COL19A1: variants seen among roughly 807,000 people sequenced by gnomAD.
COL19A1 encodes the protein collagen type XIX alpha 1 chain, also known as collagen alpha-1(XIX) chain.
In COL19A1, 159 loss-of-function variants were observed where a neutral mutation model predicts 190.2. The observed-to-expected ratio is 0.84, with a 90% CI of 0.73 to 0.95. The LOEUF (loss-of-function observed/expected upper bound fraction) is 0.95. Among genes scored for constraint, COL19A1 ranks in the 40% least tolerant of loss-of-function variants. COL19A1 has a pLI of 0.00. For synonymous variants in COL19A1, 509 were observed against 458.9 expected, an observed-to-expected ratio of 1.11 and a Z score of -1.39; for missense variants, 1,418 against 1,431.9, an observed-to-expected ratio of 0.99 and a Z score of 0.16.
rs773127949 is a variant in COL19A1 at position 70,102,150 on chromosome 6, A to C, written c.1225-19A>C. 6.2e-7 allele frequency: 1 copy of C among 1,604,782 alleles called. No individual in the cohort carries two copies. The highest frequency in any genetic ancestry group is 1.3e-5 in the African/African-American group (1 of 74,702). ...AATGGAGTCACAGTATTTATCATCT[A>C]TTCTTCTTTGGTTTCAAGGGAAGAC... On this transcript the variant is annotated intron_variant, in intron 15 of 50. Coordinates refer to ENST00000620364, the MANE Select transcript of COL19A1 (RefSeq NM_001858.6).
intron 15 of COL19A1, among the ~76,000 whole-genome samples, chr6:70,100,115 A>T (rs942669954): frequency 1.3e-5 from 2 of 152,184 alleles, no homozygotes; most frequent in African/African-American, 4.8e-5. Flanking sequence ...GACTCCTTTG[A>T]AGAAAGGGGA....
Position 70,207,714 on chromosome 6 carries a change from T to G in COL19A1, c.*440T>G, listed in dbSNP as rs1463256243. The G allele has an allele frequency of 6.6e-6, 1 of 152,520 alleles. No individual in the cohort carries two copies. Among genetic ancestry groups the G allele is most frequent in the Non-Finnish European group, 1.5e-5 (1 of 68,296 alleles). The allele number at this position is 152,520 out of a possible 1,614,324, so 9.4% of individuals were successfully genotyped here. On this transcript the variant is annotated 3_prime_UTR_variant, in exon 51 of 51. Coordinates refer to ENST00000620364, the MANE Select transcript of COL19A1 (RefSeq NM_001858.6). Reference sequence around the variant, plus strand: ...TTAAATTTACTATCATTGCTAAACATCTCGTCAACTTTTTTGATATAGTGC... The same window carrying G: ...TTAAATTTACTATCATTGCTAAACAGCTCGTCAACTTTTTTGATATAGTGC...
intron 4 of COL19A1, among the ~76,000 whole-genome samples, chr6:69,924,794 G>A (rs1772244565): frequency 6.6e-6 from 1 of 152,142 alleles, no homozygotes; most frequent in African/African-American, 2.4e-5. Context: ...GGTGTGAGAT[G>A]GTATCTCATT....
intron 49 of COL19A1, among the ~76,000 whole-genome samples, chr6:70,201,015 G>T (rs1045426360): frequency 6.6e-6 from 1 of 152,134 alleles, no homozygotes; most frequent in Non-Finnish European, 1.5e-5. Flanking sequence ...ATACACTATT[G>T]TGTAGAGGGG....
At chr6:69,938,222 G>A in intron 9 of COL19A1, 122 bp downstream of exon 9, 6 of 915,392 alleles carry the variant, frequency 6.6e-6, no homozygotes, top group Non-Finnish European at 9.8e-6. Flanking sequence ...GGCTATCAAA[G>A]ACTATATTAA....
At chr6:69,953,988 G>A (rs1184058347) in intron 9 of COL19A1, among the ~76,000 whole-genome samples, 1 of 151,892 alleles carries the variant, frequency 6.6e-6, no homozygotes, top group South Asian at 2.1e-4. Context: ...CCTTAAAGTG[G>A]CTCTATCTAA....
At chr6:69,879,317 A>G (rs534953732) in intron 1 of COL19A1, among the ~76,000 whole-genome samples, 3 of 152,308 alleles carry the variant, frequency 2.0e-5, no homozygotes, top group Non-Finnish European at 4.4e-5. Context: ...ATCAACATCA[A>G]TAACTAACTA....
At chr6:70,199,414 T>C (rs1295216854) in intron 48 of COL19A1, among the ~76,000 whole-genome samples, 194 bp from the exon 49 acceptor site, 3 of 152,220 alleles carry the variant, frequency 2.0e-5, no homozygotes, top group African/African-American at 7.2e-5. Flanking sequence ...CTGGTCTGCA[T>C]CTATACACAA....
chr6:69,866,726 C>T (rs888801146), intron 1 of COL19A1, 86 bp downstream of exon 1: 1 of 152,254 alleles, frequency 6.6e-6, no homozygotes, highest in Non-Finnish European at 1.5e-5. Flanking sequence ...TCCTAGTTAT[C>T]TGTGTGCATC....
intron 11 of COL19A1, among the ~76,000 whole-genome samples, chr6:70,003,645 T>G (rs1582659134): frequency 6.6e-6 from 1 of 152,170 alleles, no homozygotes; most frequent in South Asian, 2.1e-4. Flanking sequence ...TTGTCTTTTT[T>G]TTTTAATCGT....
chr6:69,995,043 C>T (rs1270915179), intron 11 of COL19A1, among the ~76,000 whole-genome samples: 1 of 152,158 alleles, frequency 6.6e-6, no homozygotes, highest in African/African-American at 2.4e-5. Context: ...CTCTCACATA[C>T]ACACTCTCTC....
chr6:70,021,595 T>G (rs758175543), intron 11 of COL19A1, among the ~76,000 whole-genome samples: 3 of 152,180 alleles, frequency 2.0e-5, no homozygotes, highest in Non-Finnish European at 4.4e-5. Flanking sequence ...AGATATTTTC[T>G]TCTGTGTATT....
At chr6:69,982,557 A>G (rs1197618469) in intron 11 of COL19A1, among the ~76,000 whole-genome samples, 2 of 151,826 alleles carry the variant, frequency 1.3e-5, no homozygotes, top group East Asian at 3.9e-4. Flanking sequence ...TAACAATACA[A>G]TATTGCCAAA....
chr6:70,110,795 G>A (rs1244858524), intron 16 of COL19A1, among the ~76,000 whole-genome samples: 1 of 152,092 alleles, frequency 6.6e-6, no homozygotes, highest in Non-Finnish European at 1.5e-5. Flanking sequence ...CATTATGGTG[G>A]AAAAAATATT....
chr6:70,150,458 G>A (rs1197177160), intron 30 of COL19A1, among the ~76,000 whole-genome samples: 1 of 152,124 alleles, frequency 6.6e-6, no homozygotes, highest in Non-Finnish European at 1.5e-5. Flanking sequence ...GCTTTAAAAT[G>A]TTGCGATGAT....
rs1554186344 is a variant in COL19A1, at chr6:69,996,938, G to GTGTGTGTGTATA, written c.1027-26688_1027-26687insGTGTGTGTATAT. ...GACTTGTGTGTGTGTGTGTGTGTGTGTATATATATGTATGTACATATATAG... is the reference window on the plus strand; with the variant it reads ...GACTTGTGTGTGTGTGTGTGTGTGTGTGTGTGTGTATATATATATATGTATGTACATATATAG... On this transcript the variant is annotated intron_variant, in intron 11 of 50. Transcript: ENST00000620364. Among the ~76,000 whole-genome samples the GTGTGTGTGTATA allele has an allele frequency of 7.0e-5, 10 of 143,430 alleles. No individual in the cohort carries two copies. In the East Asian group the frequency reaches 1.6e-3, roughly 23 times the overall value. 94.1% of individuals were successfully genotyped at this position (143,430 alleles called of 152,430 possible).
intron 9 of COL19A1, among the ~76,000 whole-genome samples, chr6:69,954,473 C>A (rs752978828): frequency 1.3e-5 from 2 of 151,996 alleles, no homozygotes; most frequent in African/African-American, 2.4e-5. Context: ...GAGGAAAGAT[C>A]GGAAAAGCAC....
At position 69,927,954 on chromosome 6, in the gene COL19A1, C is replaced by G; in HGVS notation, c.312C>G (p.Ala104=). 6.2e-7 allele frequency: 1 copy of G among 1,613,376 alleles called. No individual in the cohort carries two copies. The highest frequency in any genetic ancestry group is 2.2e-5 in the East Asian group (1 of 44,848). Residue 104 remains alanine, a synonymous_variant, in exon 5 of 51, where the codon GCC becomes GCG. Coordinates refer to ENST00000620364, the MANE Select transcript of COL19A1 (RefSeq NM_001858.6). ...TTCCTGAGGAGTACTCAGTAGCTGC[C>G]ATGTTTCGAGTACGAAGAAACGCCA... ...KGLPEEYSVA[A]MFRVRRNAKK... is the part of the protein sequence containing the mutation.
chr6:70,029,696 G>T (rs1237949455), intron 12 of COL19A1, among the ~76,000 whole-genome samples: 1 of 152,146 alleles, frequency 6.6e-6, no homozygotes, highest in Non-Finnish European at 1.5e-5. Context: ...GTCACAGGAA[G>T]ACGTGAGTTA....
Sources: gnomAD v4.1 joint callset for allele counts (sites outside exome capture counted in the v4.1 genomes callset) on GRCh38, gnomAD v4.1.1 for gene constraint, MANE v1.5 for transcripts, NCBI Gene and HGNC (gene_info 2026-07-23, HGNC 2026-07-21) for gene names.